The following PARD3 variants were observed in gnomAD, a reference collection of about 807,000 sequenced individuals.
PARD3 encodes the protein partitioning defective 3 homolog.
Under a neutral mutation model 155.4 loss-of-function variants are expected in PARD3, and 75 were observed. The observed-to-expected ratio is 0.48, with a 90% CI of 0.40 to 0.58. PARD3 has a LOEUF of 0.58. Among genes scored for constraint, PARD3 ranks in the 20% least tolerant of loss-of-function variants. The probability of loss-of-function intolerance (pLI) is 0.00; values close to 1 mark genes in which losing one functional copy is unlikely to be tolerated. For synonymous variants in PARD3, 576 were observed against 610.5 expected, an observed-to-expected ratio of 0.94 and a Z score of 0.83; for missense variants, 1,642 against 1,721.7, an observed-to-expected ratio of 0.95 and a Z score of 0.82.
At chr10:34,147,045 T>C (rs567936874) in intron 22 of PARD3, among the ~76,000 whole-genome samples, 1 of 152,084 alleles carries the variant, frequency 6.6e-6, no homozygotes, top group African/African-American at 2.4e-5. Flanking sequence ...TTCTAGAAAG[T>C]AATAAAGGTC....
intron 2 of PARD3, among the ~76,000 whole-genome samples, chr10:34,687,236 C>T (rs2093966993): frequency 6.6e-6 from 1 of 151,962 alleles, no homozygotes; most frequent in South Asian, 2.1e-4. Flanking sequence ...CCATAAGAGG[C>T]ACCAAAACAA....
rs1176768558 is a variant in PARD3 at position 34,681,727 on chromosome 10, ATT to A, written c.222+14589_222+14590del. 4.5e-3 allele frequency among the ~76,000 whole-genome samples: 267 copies of A among 59,742 alleles called. 6 individuals are homozygous for A. Among genetic ancestry groups the A allele is most frequent in the African/African-American group, 0.016 (248 of 15,492 alleles). 39.2% of individuals were successfully genotyped at this position (59,742 alleles called of 152,430 possible). Reference sequence around the variant, plus strand: ...TTTTATATATGTATTTTACGTATGTATTTTATATATATATATATATATATATA... The same window carrying A: ...TTTTATATATGTATTTTACGTATGTATTATATATATATATATATATATATA... On this transcript the variant is annotated intron_variant, in intron 2 of 24. Coordinates refer to ENST00000374788, the MANE Select transcript of PARD3 (RefSeq NM_001184785.2).
intron 22 of PARD3, among the ~76,000 whole-genome samples, chr10:34,163,234 C>T (rs1196103962): frequency 6.6e-6 from 1 of 152,032 alleles, no homozygotes; most frequent in African/African-American, 2.4e-5. Flanking sequence ...GCTTGTGTTC[C>T]CGGCCACTCC....
At chr10:34,768,343 G>A (rs1591024266) in intron 1 of PARD3, among the ~76,000 whole-genome samples, 1 of 88,590 alleles carries the variant, frequency 1.1e-5, no homozygotes, top group Middle Eastern at 5.7e-3. Context: ...GTTCCATCTG[G>A]AAAGGCGGGA....
intron 22 of PARD3, among the ~76,000 whole-genome samples, chr10:34,253,742 T>C (rs945601057): frequency 2.0e-5 from 3 of 152,088 alleles, no homozygotes; most frequent in Non-Finnish European, 4.4e-5. Flanking sequence ...GGGCAAGAGG[T>C]ATCTAGGAAC....
At chr10:34,764,331 G>T (rs1471275766) in intron 1 of PARD3, among the ~76,000 whole-genome samples, 1 of 152,158 alleles carries the variant, frequency 6.6e-6, no homozygotes, top group Non-Finnish European at 1.5e-5. Context: ...ACATGTTATG[G>T]CCCGCCTACG....
intron 19 of PARD3, among the ~76,000 whole-genome samples, chr10:34,322,320 T>C (rs1297287050): frequency 2.0e-5 from 3 of 152,180 alleles, no homozygotes; most frequent in Non-Finnish European, 4.4e-5. Flanking sequence ...GACTCATGGA[T>C]AGCAGAGCAG....
intron 22 of PARD3, among the ~76,000 whole-genome samples, chr10:34,256,590 C>T (rs1190000005): frequency 6.6e-6 from 1 of 152,194 alleles, no homozygotes; most frequent in African/African-American, 2.4e-5. Flanking sequence ...AAGGAATCAC[C>T]TTGGAGGCAA....
intron 2 of PARD3, among the ~76,000 whole-genome samples, chr10:34,602,645 A>C (rs1050353441): frequency 6.6e-6 from 1 of 152,252 alleles, no homozygotes; most frequent in African/African-American, 2.4e-5. Context: ...CACAGATGTA[A>C]TATGAGAAAA....
intron 2 of PARD3, among the ~76,000 whole-genome samples, chr10:34,668,004 C>T (rs2093530314): frequency 6.6e-6 from 1 of 152,164 alleles, no homozygotes; most frequent in Non-Finnish European, 1.5e-5. Flanking sequence ...TCCTGCTCAG[C>T]CTTTAACTTC....
chr10:34,459,174 CT>C (rs968350258), intron 4 of PARD3, among the ~76,000 whole-genome samples: 16 of 149,554 alleles, frequency 1.1e-4, no homozygotes, highest in South Asian at 2.1e-4. Context: ...CATTTTCTTT[CT>C]TTTTTTTTTG....
Position 34,478,823 on chromosome 10 carries a change from G to A in PARD3, c.404-8560C>T, listed in dbSNP as rs979577726. On this transcript the variant is annotated intron_variant, in intron 3 of 24. Transcript: ENST00000374788. The stretch of plus-strand genomic sequence containing the variant: ...CTCCCAAAGTGCTGGGATTACAGGC[G>A]TGAATATATGCAATTTTCTAATGAC... Among the ~76,000 whole-genome samples the A allele has an allele frequency of 8.5e-5, 13 of 152,100 alleles. No individual in the cohort carries two copies. The East Asian group carries it at 1.3e-3, about 16-fold the overall frequency.
At chr10:34,434,459 C>A (rs547940684) in intron 5 of PARD3, among the ~76,000 whole-genome samples, 1 of 152,330 alleles carries the variant, frequency 6.6e-6, no homozygotes, top group East Asian at 1.9e-4. Context: ...GCAGCTTGGT[C>A]AGCATAAGAC....
chr10:34,630,452 T>G (rs1365136394), intron 2 of PARD3, among the ~76,000 whole-genome samples: 1 of 151,082 alleles, frequency 6.6e-6, no homozygotes, highest in Admixed American at 6.6e-5. Flanking sequence ...TCTTTTTTTT[T>G]TTTTTTTTCT....
chr10:34,185,811 C>CTATAT (rs200395816), intron 22 of PARD3, among the ~76,000 whole-genome samples: 34,539 of 143,494 alleles, frequency 0.24, 4,189 homozygotes, highest in African/African-American at 0.27. Flanking sequence ...GTAACATCTT[C>CTATAT]TATATTATAT....
chr10:34,577,711 A>G (rs949607315), intron 2 of PARD3, among the ~76,000 whole-genome samples: 5 of 152,258 alleles, frequency 3.3e-5, no homozygotes, highest in African/African-American at 1.2e-4. Flanking sequence ...TGACTACTAG[A>G]ATATGTGTGG....
chr10:34,212,953 T>C (rs988076136), intron 22 of PARD3, among the ~76,000 whole-genome samples: 2 of 152,186 alleles, frequency 1.3e-5, no homozygotes, highest in African/African-American at 4.8e-5. Context: ...ACTCTTAAAA[T>C]CAGCTTCAGT....
At chr10:34,143,248 T>G (rs1460026028) in intron 22 of PARD3, among the ~76,000 whole-genome samples, 1 of 151,980 alleles carries the variant, frequency 6.6e-6, no homozygotes, top group African/African-American at 2.4e-5. Context: ...GAGGTGGAGG[T>G]TGCAGTGACC....
chr10:34,730,033 T>C (rs2094789626), intron 1 of PARD3, among the ~76,000 whole-genome samples: 1 of 152,176 alleles, frequency 6.6e-6, no homozygotes, highest in Admixed American at 6.5e-5. Flanking sequence ...GAGCAATTCA[T>C]TAAGAATTTT....
Sources: gnomAD v4.1 joint callset for allele counts (sites outside exome capture counted in the v4.1 genomes callset) on GRCh38, gnomAD v4.1.1 for gene constraint, MANE v1.5 for transcripts, NCBI Gene and HGNC (gene_info 2026-07-23, HGNC 2026-07-21) for gene names.